The following LRRC37A2 variants were observed in gnomAD, a reference collection of about 807,000 sequenced individuals.
LRRC37A2 encodes leucine rich repeat containing 37 member A2.
In LRRC37A2, 9 loss-of-function variants were observed where a neutral mutation model predicts 68.8. That is an observed-to-expected ratio of 0.13 (90% CI 0.08 to 0.23). LRRC37A2 has a LOEUF of 0.23. Among genes scored for constraint, LRRC37A2 ranks in the 10% least tolerant of loss-of-function variants. The probability of loss-of-function intolerance (pLI) is 1.00; values close to 1 mark genes in which losing one functional copy is unlikely to be tolerated. For missense variants in LRRC37A2, 168 were observed against 950.4 expected, an observed-to-expected ratio of 0.18 and a Z score of 10.82; for synonymous variants, 63 against 367.6, an observed-to-expected ratio of 0.17 and a Z score of 9.48.
chr17:47,040,127 T>C, the LRRC37A2 span, among the ~76,000 whole-genome samples: 5 of 151,720 alleles, frequency 3.3e-5, no homozygotes, highest in South Asian at 1.0e-3. Flanking sequence ...TCTCTTTGAA[T>C]ATATTTTAAA....
the LRRC37A2 span, among the ~76,000 whole-genome samples, chr17:46,899,424 A>G: frequency 2.0e-5 from 3 of 151,570 alleles, no homozygotes; most frequent in African/African-American, 7.3e-5. Context: ...AAACAAACAA[A>G]CCAACAAACA....
At chr17:47,035,475 C>A in the LRRC37A2 span, among the ~76,000 whole-genome samples, 1 of 152,192 alleles carries the variant, frequency 6.6e-6, no homozygotes, top group African/African-American at 2.4e-5. Context: ...CTAAGGTCCT[C>A]CCATGCTGCA....
chr17:46,938,733 G>A, the LRRC37A2 span: 9 of 1,614,024 alleles, frequency 5.6e-6, no homozygotes, highest in Non-Finnish European at 6.8e-6. Context: ...GTGTGGTCAT[G>A]TTCCTCGTGG....
chr17:46,773,591 A>C, the LRRC37A2 span: 3 of 1,448,872 alleles, frequency 2.1e-6, no homozygotes, highest in African/African-American at 4.2e-5. Context: ...AGGCACCCTG[A>C]CTGGGGTGGA....
the LRRC37A2 span, among the ~76,000 whole-genome samples, chr17:46,946,625 G>T: frequency 2.6e-5 from 4 of 152,168 alleles, no homozygotes; most frequent in African/African-American, 9.6e-5. Context: ...CACTTTGGGA[G>T]GCCAAAGCAG....
the LRRC37A2 span, among the ~76,000 whole-genome samples, chr17:46,997,260 G>A: frequency 1.3e-5 from 2 of 152,068 alleles, no homozygotes; most frequent in Admixed American, 6.6e-5. Flanking sequence ...GCTGAGGCAC[G>A]AGAATCGCTT....
At chr17:46,996,156 T>C in the LRRC37A2 span, among the ~76,000 whole-genome samples, 2 of 152,196 alleles carry the variant, frequency 1.3e-5, no homozygotes, top group African/African-American at 4.8e-5. Flanking sequence ...GGCTGCTCTC[T>C]GGATATCCCA....
At chr17:46,975,111 C>T in the LRRC37A2 span, 1 of 149,996 alleles carries the variant, frequency 6.7e-6, no homozygotes, top group Non-Finnish European at 1.5e-5. Context: ...CCTTATTGAG[C>T]GTCTATTAAA....
the LRRC37A2 span, among the ~76,000 whole-genome samples, chr17:46,727,514 T>TA: frequency 6.6e-6 from 1 of 152,234 alleles, no homozygotes; most frequent in African/African-American, 2.4e-5. Flanking sequence ...TAACTGTTCT[T>TA]ACTGCATTTT....
chr17:46,385,245 A>G, the LRRC37A2 span, among the ~76,000 whole-genome samples: 2 of 81,096 alleles, frequency 2.5e-5, no homozygotes, highest in African/African-American at 8.8e-5. Flanking sequence ...TGGTGTGGGG[A>G]TATTATGATT....
At chr17:46,730,746 G>A in the LRRC37A2 span, among the ~76,000 whole-genome samples, 2 of 152,102 alleles carry the variant, frequency 1.3e-5, no homozygotes, top group South Asian at 4.1e-4. Context: ...GACAGGATAT[G>A]ATAAGAGTGA....
chr17:46,836,231 G>T, the LRRC37A2 span, among the ~76,000 whole-genome samples: 3 of 151,962 alleles, frequency 2.0e-5, no homozygotes, highest in Admixed American at 2.0e-4. Flanking sequence ...CAAGGAAGCA[G>T]CCAAAAGAGT....
the LRRC37A2 span, among the ~76,000 whole-genome samples, chr17:46,771,551 T>A: frequency 6.7e-6 from 1 of 148,368 alleles, no homozygotes; most frequent in Non-Finnish European, 1.5e-5. Context: ...AGCCCCGCTG[T>A]GCCTTCCCCG....
chr17:46,730,057 TTTC>T, the LRRC37A2 span, among the ~76,000 whole-genome samples: 1 of 152,138 alleles, frequency 6.6e-6, no homozygotes. Context: ...CCTGCAATAT[TTTC>T]TTAAGTAAGT....
At chr17:47,043,203 G>C in the LRRC37A2 span, among the ~76,000 whole-genome samples, 164 of 151,834 alleles carry the variant, frequency 1.1e-3, 1 homozygote, top group African/African-American at 3.8e-3. Flanking sequence ...GAATTAAAAA[G>C]AAAATCGATT....
chr17:46,815,862 C>T, the LRRC37A2 span, among the ~76,000 whole-genome samples: 1 of 152,130 alleles, frequency 6.6e-6, no homozygotes, highest in Non-Finnish European at 1.5e-5. Context: ...CACCAAACAC[C>T]CAAGCTCAGG....
the LRRC37A2 span, among the ~76,000 whole-genome samples, chr17:46,711,359 G>A: frequency 1.3e-5 from 2 of 152,184 alleles, no homozygotes; most frequent in Non-Finnish European, 2.9e-5. Flanking sequence ...CTGTATTTCT[G>A]TGGCACTTAA....
At chr17:47,001,991 G>A in the LRRC37A2 span, among the ~76,000 whole-genome samples, 1 of 151,896 alleles carries the variant, frequency 6.6e-6, no homozygotes, top group African/African-American at 2.4e-5. Flanking sequence ...CGCCCACCTC[G>A]GCCCCCCAAA....
chr17:46,943,409 G>T, the LRRC37A2 span, among the ~76,000 whole-genome samples: 54 of 152,130 alleles, frequency 3.5e-4, no homozygotes, highest in Admixed American at 1.3e-4. Flanking sequence ...TGGACTGCTT[G>T]GTCTTCTCAG....
Sources: allele counts gnomAD v4.1 joint callset (sites outside exome capture counted in the v4.1 genomes callset), GRCh38; gene constraint gnomAD v4.1.1; transcripts MANE v1.5; gene names NCBI Gene and HGNC (gene_info 2026-07-23, HGNC 2026-07-21).